The following RAB3GAP1 variants were observed in gnomAD, a reference collection of about 807,000 sequenced individuals.
RAB3GAP1 encodes RAB3 GTPase activating protein catalytic subunit 1, also known as rab3 GTPase-activating protein catalytic subunit.
A neutral mutation model predicts 130.7 loss-of-function variants in RAB3GAP1; 86 were observed. That is an observed-to-expected ratio of 0.66 (90% CI 0.55 to 0.79). The LOEUF (loss-of-function observed/expected upper bound fraction) is 0.79. Ranked by LOEUF, RAB3GAP1 falls within the 30% of genes least tolerant of loss-of-function variation. The pLI is 0.00. For synonymous variants in RAB3GAP1, 367 were observed against 401.7 expected, an observed-to-expected ratio of 0.91 and a Z score of 1.03; for missense variants, 1,029 against 1,169.4, an observed-to-expected ratio of 0.88 and a Z score of 1.75.
chr2:135,155,707 A>G (rs965998184), intron 19 of RAB3GAP1, among the ~76,000 whole-genome samples: 1 of 152,202 alleles, frequency 6.6e-6, no homozygotes, highest in African/African-American at 2.4e-5. Context: ...CCTATAGGCT[A>G]TACTTAAGAA....
intron 7 of RAB3GAP1, among the ~76,000 whole-genome samples, chr2:135,117,317 C>T (rs1691000313): frequency 6.6e-6 from 1 of 152,174 alleles, no homozygotes; most frequent in African/African-American, 2.4e-5. Context: ...GTATCTTCTC[C>T]ATTAGTTTTC....
At position 135,139,049 on chromosome 2, in the gene RAB3GAP1, G is replaced by A. The variant is rs534107094; in HGVS notation, c.1923+3117G>A. On this transcript the variant is annotated intron_variant, in intron 17 of 23. Coordinates refer to ENST00000264158, the MANE Select transcript of RAB3GAP1 (RefSeq NM_012233.3). The stretch of plus-strand genomic sequence containing the variant: ...AACCTGAGCATCTTTTAATATGTTC[G>A]TTAGCCGTCCTTTCCTGTGAATCGC... 1.2e-4 allele frequency among the ~76,000 whole-genome samples: 19 copies of A among 152,070 alleles called. No individual in the cohort carries two copies. In the South Asian group the frequency reaches 3.7e-3, roughly 30 times the overall value.
At chr2:135,079,718 A>T (rs985070919) in intron 3 of RAB3GAP1, among the ~76,000 whole-genome samples, 1 of 152,196 alleles carries the variant, frequency 6.6e-6, no homozygotes, top group African/African-American at 2.4e-5. Flanking sequence ...CATGTCTTTA[A>T]TTATGTCCTT....
chr2:135,136,599 G>A (rs767423104), intron 17 of RAB3GAP1: 14 of 525,992 alleles, frequency 2.7e-5, no homozygotes, highest in Non-Finnish European at 4.2e-5. Flanking sequence ...AGCAGTGAAT[G>A]CTCAGATGTT....
At chr2:135,056,629 ATATAG>A (rs1463374248) in intron 2 of RAB3GAP1, among the ~76,000 whole-genome samples, 10 of 152,178 alleles carry the variant, frequency 6.6e-5, no homozygotes, top group African/African-American at 2.4e-4. Context: ...AGCTTCGTAA[ATATAG>A]TATACATTTC....
intron 5 of RAB3GAP1, among the ~76,000 whole-genome samples, chr2:135,106,041 G>A (rs187427921): frequency 1.3e-5 from 2 of 150,904 alleles, no homozygotes; most frequent in South Asian, 2.1e-4. Flanking sequence ...CCCGGCAGCC[G>A]CCCCATCTGG....
At chr2:135,159,364 A>C (rs1467394772) in intron 19 of RAB3GAP1, among the ~76,000 whole-genome samples, 1 of 152,218 alleles carries the variant, frequency 6.6e-6, no homozygotes, top group African/African-American at 2.4e-5. Flanking sequence ...TAACATCCAC[A>C]GGCTAAGCCA....
downstream of RAB3GAP1, among the ~76,000 whole-genome samples, chr2:135,170,997 C>G (rs1446131373): frequency 1.3e-5 from 2 of 152,010 alleles, no homozygotes; most frequent in East Asian, 3.9e-4. Context: ...TGGGGCTTGC[C>G]CTCCCTTCTT....
At chr2:135,094,148 T>A (rs1477310451) in intron 5 of RAB3GAP1, among the ~76,000 whole-genome samples, 1 of 151,716 alleles carries the variant, frequency 6.6e-6, no homozygotes, top group Non-Finnish European at 1.5e-5. Context: ...AGTGAGCAGC[T>A]TAATCAGTTC....
At chr2:135,065,469 A>G (rs1689292488) in intron 3 of RAB3GAP1, among the ~76,000 whole-genome samples, 1 of 152,228 alleles carries the variant, frequency 6.6e-6, no homozygotes, top group Non-Finnish European at 1.5e-5. Flanking sequence ...GCTATACATT[A>G]AACAGATTTG....
chr2:135,059,376 T>C (rs1689105126), intron 3 of RAB3GAP1, among the ~76,000 whole-genome samples: 1 of 152,170 alleles, frequency 6.6e-6, no homozygotes, highest in Non-Finnish European at 1.5e-5. Flanking sequence ...TTGATTTACA[T>C]GTATTTACTG....
chr2:135,094,895 A>G lies in RAB3GAP1; in HGVS notation c.362+1202A>G, dbSNP rs956813200. Among the ~76,000 whole-genome samples, 9 of 152,272 alleles carry G rather than the reference A, an allele frequency of 5.9e-5. 1 individual carries two copies. Among genetic ancestry groups the G allele is most frequent in the South Asian group, 4.1e-4 (2 of 4,832 alleles). On this transcript the variant is annotated intron_variant, in intron 5 of 23. Transcript: ENST00000264158. ...AGGATTTCATTCTTTTTTATGGCTG[A>G]ATAATATTATATTGTGTATATGTAC... is the stretch of plus-strand genomic sequence containing the variant.
intron 17 of RAB3GAP1, among the ~76,000 whole-genome samples, chr2:135,139,031 G>A (rs1370136976): frequency 6.6e-6 from 1 of 152,072 alleles, no homozygotes; most frequent in Non-Finnish European, 1.5e-5. Context: ...ATGAACCTGA[G>A]CATCTTTTAA....
At chr2:135,175,944 C>T (rs569963147) in intron 24 of RAB3GAP1, among the ~76,000 whole-genome samples, 4 of 152,218 alleles carry the variant, frequency 2.6e-5, no homozygotes, top group African/African-American at 7.2e-5. Flanking sequence ...TCAATATTGC[C>T]ATTGTTATAT....
chr2:135,150,834 A>C (rs1434718509), intron 18 of RAB3GAP1, among the ~76,000 whole-genome samples: 1 of 152,200 alleles, frequency 6.6e-6, no homozygotes, highest in Non-Finnish European at 1.5e-5. Context: ...AACATGGGTC[A>C]CTTCACTCAA....
At chr2:135,142,768 T>C (rs1455966254) in intron 17 of RAB3GAP1, among the ~76,000 whole-genome samples, 1 of 152,152 alleles carries the variant, frequency 6.6e-6, no homozygotes, top group Non-Finnish European at 1.5e-5. Context: ...TCCTATTTTA[T>C]TCTCCCTTAT....
chr2:135,093,393 A>C (rs1426347796), intron 4 of RAB3GAP1, among the ~76,000 whole-genome samples: 1 of 152,144 alleles, frequency 6.6e-6, no homozygotes, highest in Non-Finnish European at 1.5e-5. Context: ...TATTTTAAAC[A>C]TGGGAGTGGC....
intron 2 of RAB3GAP1, 102 bp downstream of exon 2, chr2:135,052,587 G>C: frequency 7.3e-7 from 1 of 1,366,312 alleles, no homozygotes. Flanking sequence ...ACTTGTGCGG[G>C]AACGGTAATA....
chr2:135,087,263 CTGTT>C (rs1244308136), intron 3 of RAB3GAP1, among the ~76,000 whole-genome samples: 1 of 152,180 alleles, frequency 6.6e-6, no homozygotes, highest in African/African-American at 2.4e-5. Context: ...TTTCATTGAT[CTGTT>C]TGTCTGTCTT....
Sources: allele counts gnomAD v4.1 joint callset (sites outside exome capture counted in the v4.1 genomes callset), GRCh38; gene constraint gnomAD v4.1.1; transcripts MANE v1.5; gene names NCBI Gene and HGNC (gene_info 2026-07-23, HGNC 2026-07-21).